FHIT: variants seen among roughly 807,000 people sequenced by gnomAD.
FHIT encodes bis(5'-adenosyl)-triphosphatase.
A neutral mutation model predicts 17.9 loss-of-function variants in FHIT; 19 were observed. The observed-to-expected ratio is 1.06, with a 90% CI of 0.74 to 1.56. The LOEUF (loss-of-function observed/expected upper bound fraction) is 1.56. Ranked by LOEUF, FHIT falls within the 40% of genes most tolerant of loss-of-function variation. The pLI, the probability that FHIT is intolerant of heterozygous loss-of-function variation, is 0.00. For synonymous variants in FHIT, 81 were observed against 69.7 expected (o/e 1.16, Z -0.81); for missense variants, 248 against 189.2 (o/e 1.31, Z -1.82).
chr3:59,872,097 A>G (rs1702951857), intron 8 of FHIT, among the ~76,000 whole-genome samples: 1 of 152,204 alleles, frequency 6.6e-6, no homozygotes, highest in South Asian at 2.1e-4. Context: ...GCCACCGTTG[A>G]TGTACTTTCC....
intron 4 of FHIT, among the ~76,000 whole-genome samples, chr3:60,813,496 G>C (rs1255183343): frequency 6.6e-6 from 1 of 151,992 alleles, no homozygotes; most frequent in Non-Finnish European, 1.5e-5. Context: ...CATCCAACTT[G>C]ATCCTAGATC....
intron 4 of FHIT, among the ~76,000 whole-genome samples, chr3:60,543,860 T>A (rs1339949711): frequency 7.1e-6 from 1 of 140,008 alleles, no homozygotes; most frequent in Non-Finnish European, 1.5e-5. Flanking sequence ...TTCTCCTGCC[T>A]CAGCCTCCAG....
chr3:60,516,923 C>T (rs367563391), intron 5 of FHIT, among the ~76,000 whole-genome samples: 28 of 152,134 alleles, frequency 1.8e-4, no homozygotes, highest in African/African-American at 3.6e-4. Flanking sequence ...ATACAAACTT[C>T]GACTTCATGG....
At chr3:59,980,268 C>T (rs1056203958) in intron 7 of FHIT, among the ~76,000 whole-genome samples, 16 of 152,158 alleles carry the variant, frequency 1.1e-4, no homozygotes, top group Admixed American at 1.0e-3. Flanking sequence ...AAGGCAGATA[C>T]TCACTTCAGG....
At chr3:60,570,580 C>T (rs780958780) in intron 4 of FHIT, among the ~76,000 whole-genome samples, 1 of 152,018 alleles carries the variant, frequency 6.6e-6, no homozygotes, top group African/African-American at 2.4e-5. Flanking sequence ...TTTGTGAAAT[C>T]TTTTCCCACT....
At chr3:60,841,932 T>C (rs1553745134) in intron 3 of FHIT, among the ~76,000 whole-genome samples, 4 of 152,198 alleles carry the variant, frequency 2.6e-5, no homozygotes, top group African/African-American at 9.7e-5. Flanking sequence ...AGGCTGTATG[T>C]CAGGAAAGTT....
At chr3:60,853,612 C>G (rs1703243715) in intron 3 of FHIT, among the ~76,000 whole-genome samples, 1 of 152,024 alleles carries the variant, frequency 6.6e-6, no homozygotes, top group South Asian at 2.1e-4. Flanking sequence ...GGAAGCAAAC[C>G]TCACCTTTGT....
chr3:60,135,007 T>C (rs1176221808), intron 5 of FHIT, among the ~76,000 whole-genome samples: 1 of 151,550 alleles, frequency 6.6e-6, no homozygotes, highest in East Asian at 1.9e-4. Flanking sequence ...TGAAAAAGGA[T>C]AGAAGAGAAA....
chr3:60,822,745 G>A (rs541965754), intron 3 of FHIT, among the ~76,000 whole-genome samples: 43 of 152,138 alleles, frequency 2.8e-4, no homozygotes, highest in African/African-American at 9.9e-4. Flanking sequence ...TAGATGCTAG[G>A]GCAAAGTGAA....
intron 5 of FHIT, among the ~76,000 whole-genome samples, chr3:60,078,123 T>C (rs77356759): frequency 0.032 from 4,859 of 152,174 alleles, 113 homozygotes; most frequent in South Asian, 0.079. Flanking sequence ...GAATCAGTAG[T>C]AGTGAATGCA....
At chr3:60,366,279 G>C (rs111924977) in intron 5 of FHIT, among the ~76,000 whole-genome samples, 2,970 of 152,136 alleles carry the variant, frequency 0.02, 98 homozygotes, top group African/African-American at 0.067. Flanking sequence ...GGGTTCAAGC[G>C]ATTCTCCTGC....
chr3:60,214,220 G>C (rs4679647), intron 5 of FHIT, among the ~76,000 whole-genome samples: 28,614 of 151,896 alleles, frequency 0.19, 3,239 homozygotes, highest in African/African-American at 0.31. Flanking sequence ...TTACAAACAA[G>C]CAACAAATTG....
At chr3:59,877,218 A>G (rs659664) in intron 8 of FHIT, among the ~76,000 whole-genome samples, 150,567 of 152,350 alleles carry the variant, frequency 0.99, 74,426 homozygotes, top group Middle Eastern at 1. Context: ...ACTCCTTACT[A>G]TTGGAACTTT....
intron 5 of FHIT, among the ~76,000 whole-genome samples, chr3:60,230,079 GGCCACTAGCCACATGTA>G (rs1704418431): frequency 6.6e-6 from 1 of 151,978 alleles, no homozygotes; most frequent in African/African-American, 2.4e-5. Flanking sequence ...TCAATACCGT[GGCCACTAGCCACATGTA>G]GCTAAATTTA....
intron 7 of FHIT, among the ~76,000 whole-genome samples, chr3:59,932,391 T>C (rs997892163): frequency 3.3e-5 from 5 of 152,160 alleles, no homozygotes; most frequent in East Asian, 1.9e-4. Flanking sequence ...ACAGGGCATG[T>C]AGGAAGAAAA....
chr3:59,967,810 A>C (rs1338034869), intron 7 of FHIT, among the ~76,000 whole-genome samples: 1 of 152,120 alleles, frequency 6.6e-6, no homozygotes, highest in East Asian at 1.9e-4. Context: ...AAAAGATTAG[A>C]TGAACAAAGG....
chr3:60,013,699 G>T (rs1238357279), intron 6 of FHIT, among the ~76,000 whole-genome samples: 2 of 152,192 alleles, frequency 1.3e-5, no homozygotes, highest in Non-Finnish European at 2.9e-5. Context: ...ACCATGGAAT[G>T]AAAATGATTT....
At chr3:60,347,347 G>A (rs1273015236) in intron 5 of FHIT, among the ~76,000 whole-genome samples, 1 of 152,080 alleles carries the variant, frequency 6.6e-6, no homozygotes, top group Non-Finnish European at 1.5e-5. Context: ...AAAAGAAGCT[G>A]AAGTTTCAAC....
chr3:60,558,278 C>T (rs1442489266), intron 4 of FHIT, among the ~76,000 whole-genome samples: 1 of 152,104 alleles, frequency 6.6e-6, no homozygotes, highest in South Asian at 2.1e-4. Flanking sequence ...ATGTCCCTGA[C>T]TGGCATACAC....
Sources: gnomAD v4.1 joint callset for allele counts (sites outside exome capture counted in the v4.1 genomes callset) on GRCh38, gnomAD v4.1.1 for gene constraint, MANE v1.5 for transcripts, NCBI Gene and HGNC (gene_info 2026-07-23, HGNC 2026-07-21) for gene names.